Variants in MRC1 observed in about 807,000 individuals in gnomAD.
MRC1 encodes macrophage mannose receptor 1.
Under a neutral mutation model 102.9 loss-of-function variants are expected in MRC1, and 62 were observed. The ratio of observed to expected loss-of-function variants is 0.60; its 90% CI spans 0.49 to 0.74. MRC1 has a LOEUF of 0.74. Ranked by LOEUF, MRC1 falls within the 30% of genes least tolerant of loss-of-function variation. The probability of loss-of-function intolerance (pLI) is 0.00; values close to 1 mark genes in which losing one functional copy is unlikely to be tolerated. For synonymous variants in MRC1, 457 were observed against 298.4 expected (o/e 1.53, Z -5.48); for missense variants, 1,237 against 862.8 (o/e 1.43, Z -5.43).
At chr10:17,847,794 A>G (rs1209058673) in intron 6 of MRC1, among the ~76,000 whole-genome samples, 5 of 133,460 alleles carry the variant, frequency 3.7e-5, no homozygotes, top group Non-Finnish European at 6.3e-5. Flanking sequence ...AAATATGTTT[A>G]AAGTTCATCA....
intron 22 of MRC1, among the ~76,000 whole-genome samples, chr10:17,888,689 T>A (rs1227859576): frequency 6.6e-6 from 1 of 152,222 alleles, no homozygotes; most frequent in African/African-American, 2.4e-5. Context: ...CAGAATATGG[T>A]CTGTCTTGGT....
At chr10:17,896,092 C>T (rs1404290481) in intron 23 of MRC1, among the ~76,000 whole-genome samples, 1 of 152,032 alleles carries the variant, frequency 6.6e-6, no homozygotes, top group African/African-American at 2.4e-5. Flanking sequence ...ACAAAAGGGT[C>T]AGAAATTTAA....
At chr10:17,852,866 T>C in intron 7 of MRC1, 101 bp from the exon 8 acceptor site, 3 of 775,916 alleles carry the variant, frequency 3.9e-6, no homozygotes, top group Non-Finnish European at 4.8e-6. Flanking sequence ...TCAAGGGAGG[T>C]AGAGCCCTGT....
intron 24 of MRC1, among the ~76,000 whole-genome samples, chr10:17,899,271 T>G (rs1461073896): frequency 6.6e-6 from 1 of 152,250 alleles, no homozygotes; most frequent in Admixed American, 6.5e-5. Context: ...ATTTCTGTGA[T>G]TAAATTTAGG....
intron 10 of MRC1, chr10:17,862,946 G>C (rs994269382): frequency 1.8e-4 from 28 of 152,958 alleles, no homozygotes; most frequent in African/African-American, 6.3e-4. Flanking sequence ...AGAATCCTAA[G>C]GGAGAGAAAG....
At chr10:17,876,172 GAGA>G (rs1833434336) in intron 17 of MRC1, among the ~76,000 whole-genome samples, 1 of 152,076 alleles carries the variant, frequency 6.6e-6, no homozygotes, top group African/African-American at 2.4e-5. Context: ...GGGAATGCAG[GAGA>G]AGGAGGAGGT....
intron 24 of MRC1, among the ~76,000 whole-genome samples, chr10:17,899,148 C>T (rs1464051571): frequency 6.6e-6 from 1 of 151,142 alleles, no homozygotes; most frequent in East Asian, 1.9e-4. Flanking sequence ...AGATGAGTGT[C>T]AGATGTTATG....
chr10:17,862,795 T>G (rs1833204103), intron 10 of MRC1: 5 of 152,368 alleles, frequency 3.3e-5, no homozygotes, highest in African/African-American at 9.6e-5. Context: ...TTCTGGAAAC[T>G]TCGGACACCA....
intron 4 of MRC1, among the ~76,000 whole-genome samples, chr10:17,839,833 C>T (rs1589171876): frequency 1.3e-5 from 2 of 150,958 alleles, no homozygotes; most frequent in East Asian, 2.0e-4. Context: ...CTGAGGTGGG[C>T]GGATCACCTG....
At chr10:17,836,732 A>C (rs1033688285) in intron 4 of MRC1, among the ~76,000 whole-genome samples, 1 of 152,062 alleles carries the variant, frequency 6.6e-6, no homozygotes, top group East Asian at 1.9e-4. Flanking sequence ...GCTACTCGGG[A>C]GGCTGAGGTA....
At chr10:17,881,741 C>G (rs1833521834) in intron 21 of MRC1, among the ~76,000 whole-genome samples, 1 of 143,170 alleles carries the variant, frequency 7.0e-6, no homozygotes, top group Non-Finnish European at 1.5e-5. Flanking sequence ...TCACTGCAGC[C>G]TCGAACTCCT....
In MRC1 at chr10:17,897,889, G is replaced by A. The variant is rs1325527137; in HGVS notation, c.3251-145G>A. 9.7e-6 allele frequency: 7 copies of A among 724,622 alleles called. No individual in the cohort carries two copies. In the East Asian group the frequency reaches 1.7e-4, roughly 18 times the overall value. 44.9% of individuals were successfully genotyped at this position (724,622 alleles called of 1,614,324 possible). A position where few individuals can be genotyped will look rare whatever the true frequency, so the allele number is the denominator to read the frequency against. On this transcript the variant is annotated intron_variant, in intron 23 of 29. Coordinates refer to ENST00000569591, the MANE Select transcript of MRC1 (RefSeq NM_002438.4). The stretch of plus-strand genomic sequence containing the variant: ...AAATGTTTGTTTTCTAGTGTGAAAT[G>A]GCTTATAAAATATTTCTAACAGCTG...
At position 17,899,412 on chromosome 10, in the gene MRC1, TTAAA is replaced by T. The variant is rs1200435558; in HGVS notation, c.3483+1149_3483+1152del. Among the ~76,000 whole-genome samples the T allele has an allele frequency of 1.2e-4, 18 of 152,342 alleles. No homozygotes were observed. In the South Asian group the frequency reaches 2.5e-3, roughly 21 times the overall value. ...AAGTAAGCTTTTATTTTTAGAAAGA[TTAAA>T]TAGTTTTTCATTGTGGCAATATTTA... On this transcript the variant is annotated intron_variant, in intron 24 of 29. Transcript: ENST00000569591.
At chr10:17,839,560 G>A (rs975066068) in intron 4 of MRC1, among the ~76,000 whole-genome samples, 10 of 152,086 alleles carry the variant, frequency 6.6e-5, no homozygotes, top group African/African-American at 2.2e-4. Context: ...TGTAGTCCCA[G>A]CTATTTAGGA....
chr10:17,894,652 G>A (rs1833730134), intron 23 of MRC1, among the ~76,000 whole-genome samples: 1 of 151,858 alleles, frequency 6.6e-6, no homozygotes, highest in Non-Finnish European at 1.5e-5. Flanking sequence ...ACCTGCCTCG[G>A]CCTCCCAAAG....
Position 17,870,304 on chromosome 10 carries a change from G to A in MRC1, c.2042G>A (p.Arg681Gln), listed in dbSNP as rs1833336543. ...TGGTTTGAATCTCGAGATTTTTGTC[G>A]AGCTCTGGGTGGAGACTTAGCTAGC... Reference protein sequence around the residue: ...KTWFESRDFCRALGGDLASIN... With the variant: ...KTWFESRDFCQALGGDLASIN... Residue 681 changes from arginine to glutamine, a missense_variant, in exon 13 of 30, where the codon CGA becomes CAA. By Grantham distance (43) the Arg-to-Gln change is conservative (BLOSUM62 1). Coordinates refer to ENST00000569591, the MANE Select transcript of MRC1 (RefSeq NM_002438.4). The A allele has an allele frequency of 5.1e-6, 4 of 780,438 alleles. No homozygotes were observed. The highest frequency in any genetic ancestry group is 2.4e-5 in the East Asian group (1 of 41,224). The allele number at this position is 780,438 out of a possible 1,614,324, so 48.3% of individuals were successfully genotyped here.
At chr10:17,883,998 C>T (rs1424359097) in intron 21 of MRC1, among the ~76,000 whole-genome samples, 8 of 151,892 alleles carry the variant, frequency 5.3e-5, no homozygotes, top group African/African-American at 1.9e-4. Flanking sequence ...ATGGGGTCTC[C>T]CTCTGTTGCA....
chr10:17,893,601 AG>A (rs1218855391), intron 22 of MRC1, among the ~76,000 whole-genome samples: 1 of 152,184 alleles, frequency 6.6e-6, no homozygotes, highest in African/African-American at 2.4e-5. Context: ...ATGGCATTTC[AG>A]AAAAAAAAAT....
At chr10:17,828,270 G>T (rs1838514092) in intron 3 of MRC1, among the ~76,000 whole-genome samples, 1 of 151,356 alleles carries the variant, frequency 6.6e-6, no homozygotes, top group Non-Finnish European at 1.5e-5. Context: ...TAGAGACGGG[G>T]TTTCACTGTG....
Sources: allele counts gnomAD v4.1 joint callset (sites outside exome capture counted in the v4.1 genomes callset), GRCh38; gene constraint gnomAD v4.1.1; transcripts MANE v1.5; gene names NCBI Gene and HGNC (gene_info 2026-07-23, HGNC 2026-07-21).